Variants in LY75 observed in about 807,000 individuals in gnomAD.
LY75 encodes the protein C-type lectin domain family 13 member B.
A neutral mutation model predicts 231.7 loss-of-function variants in LY75; 185 were observed. The observed-to-expected ratio is 0.80, with a 90% confidence interval of 0.71 to 0.90. The LOEUF is 0.90. LY75 is among the 40% of genes least tolerant of loss of function. LY75 has a pLI of 0.00. For missense variants in LY75, 1,947 were observed against 2,050.2 expected, an observed-to-expected ratio of 0.95 and a Z score of 0.97; for synonymous variants, 668 against 689.0, an observed-to-expected ratio of 0.97 and a Z score of 0.48.
At chr2:159,833,171 G>C (rs1430121207) in intron 27 of LY75, among the ~76,000 whole-genome samples, 2 of 143,296 alleles carry the variant, frequency 1.4e-5, no homozygotes, top group African/African-American at 5.3e-5. Context: ...CTGTTATCCA[G>C]GCTGGAGTGC....
chr2:159,806,081 C>T (rs1682784726), intron 34 of LY75, among the ~76,000 whole-genome samples: 1 of 152,206 alleles, frequency 6.6e-6, no homozygotes, highest in South Asian at 2.1e-4. Context: ...GTGTCTCCTG[C>T]TTCTAGGCTT....
chr2:159,828,365 CA>C (rs1189742109), intron 28 of LY75, among the ~76,000 whole-genome samples: 4 of 151,676 alleles, frequency 2.6e-5, no homozygotes, highest in Non-Finnish European at 5.9e-5. Context: ...GGGATTTCCC[CA>C]AAGGTGATAT....
At chr2:159,875,350 G>C in intron 12 of LY75, 94 bp downstream of exon 12, 1 of 1,513,000 alleles carries the variant, frequency 6.6e-7, no homozygotes, top group Non-Finnish European at 8.9e-7. Context: ...AGGTTACATA[G>C]TACTATGGAG....
chr2:159,819,138 C>T (rs1374639923), intron 29 of LY75, among the ~76,000 whole-genome samples: 5 of 152,194 alleles, frequency 3.3e-5, no homozygotes, highest in African/African-American at 7.2e-5. Flanking sequence ...TCCACCTTTA[C>T]GGGCTCCCAG....
chr2:159,882,084 T>C (rs1218234572), intron 7 of LY75, 40 bp downstream of exon 7: 6 of 1,568,988 alleles, frequency 3.8e-6, no homozygotes, highest in Non-Finnish European at 5.2e-6. Context: ...TACTTTAAAA[T>C]GGCTTAAGCC....
chr2:159,825,081 A>T (rs1245029390), intron 28 of LY75, among the ~76,000 whole-genome samples: 1 of 152,210 alleles, frequency 6.6e-6, no homozygotes, highest in Non-Finnish European at 1.5e-5. Context: ...TTCAAAAGCT[A>T]GCAGAAGACA....
rs1392116925 is a variant in LY75 at position 159,819,845 on chromosome 2, T to C, written c.4034A>G (p.Asn1345Ser). 2 of 1,614,004 alleles carry C rather than the reference T, an allele frequency of 1.2e-6. No individual in the cohort carries two copies. The highest frequency in any genetic ancestry group is 1.7e-6 in the Non-Finnish European group (2 of 1,179,994). ...HWRAGRPTIK[N>S]EKFLAGLSTD... ...ACTTAAACCAGCCAAAAACTTCTCA[T>C]TTTTTATAGTTGGTCTTCCTGCTCT... The change falls in exon 29 of 35, where the codon AAT (asparagine) becomes AGT (serine). Residue 1345 changes from asparagine to serine, a missense_variant. By Grantham distance (46) the Asn-to-Ser change is conservative. Coordinates refer to ENST00000263636, the MANE Select transcript of LY75 (RefSeq NM_002349.4).
At chr2:159,822,381 G>A (rs898371148) in intron 28 of LY75, among the ~76,000 whole-genome samples, 1 of 152,192 alleles carries the variant, frequency 6.6e-6, no homozygotes, top group Non-Finnish European at 1.5e-5. Flanking sequence ...GCTGAGGCTC[G>A]AGTAGGCAGT....
intron 30 of LY75, 79 bp downstream of exon 30, chr2:159,816,727 T>C: frequency 1.9e-6 from 3 of 1,572,628 alleles, no homozygotes; most frequent in Non-Finnish European, 2.6e-6. Context: ...TTGTACTTTG[T>C]GTTAATACTT....
chr2:159,875,422 T>A (rs770397105), intron 12 of LY75, 22 bp downstream of exon 12: 13 of 1,606,836 alleles, frequency 8.1e-6, no homozygotes, highest in Non-Finnish European at 1.1e-5. Flanking sequence ...CATTGAAGGA[T>A]AGAATGAGAA....
At chr2:159,870,708 C>T (rs1007367516) in intron 13 of LY75, among the ~76,000 whole-genome samples, 4 of 150,320 alleles carry the variant, frequency 2.7e-5, no homozygotes, top group African/African-American at 9.8e-5. Context: ...GATAGGGTCT[C>T]CCTATGCTAC....
In LY75 at chr2:159,894,060, G is replaced by C. The variant is rs1324695179; in HGVS notation, c.491C>G (p.Ser164Cys). Residue 164 changes from serine to cysteine, a missense_variant, in exon 3 of 35, where the codon TCT becomes TGT. Physicochemically the swap from Ser to Cys is moderately radical, Grantham distance 112 (BLOSUM62 -1). Coordinates refer to ENST00000263636, the MANE Select transcript of LY75 (RefSeq NM_002349.4). ...YHEIYTRDGN[S>C]YGRPCEFPFL... ...TGGAAATTCACAAGGTCTCCCATAA[G>C]AGTTCCCATCTCTGGTATAGATCTC... is the stretch of plus-strand genomic sequence containing the variant. The C allele has an allele frequency of 1.2e-6, 2 of 1,612,634 alleles. No homozygotes were observed. Among genetic ancestry groups the C allele is most frequent in the African/African-American group, 2.7e-5 (2 of 74,846 alleles).
At chr2:159,901,118 C>T (rs1050472163) in intron 1 of LY75, among the ~76,000 whole-genome samples, 1 of 152,200 alleles carries the variant, frequency 6.6e-6, no homozygotes, top group Non-Finnish European at 1.5e-5. Context: ...GGATTATAGG[C>T]ATGAGATACC....
chr2:159,854,547 G>A lies in LY75; in HGVS notation c.2420-12C>T. On this transcript the variant is annotated splice_polypyrimidine_tract_variant and intron_variant, in intron 17 of 34. Coordinates refer to ENST00000263636, the MANE Select transcript of LY75 (RefSeq NM_002349.4). ...AATTCCAGCACGGTCTAAAGAAGAA[G>A]AAGAAAAAGATTAGAATTATGACTA... The A allele has an allele frequency of 6.2e-7, 1 of 1,607,762 alleles. No individual in the cohort carries two copies. The highest frequency in any genetic ancestry group is 1.1e-5 in the South Asian group (1 of 90,330).
chr2:159,862,451 C>G (rs1361139564), intron 14 of LY75, among the ~76,000 whole-genome samples: 1 of 151,924 alleles, frequency 6.6e-6, no homozygotes, highest in East Asian at 1.9e-4. Flanking sequence ...GAGTAAGACC[C>G]CATTTCAAAA....
intron 16 of LY75, among the ~76,000 whole-genome samples, chr2:159,855,453 C>T (rs528563786): frequency 1.2e-4 from 19 of 152,240 alleles, no homozygotes; most frequent in South Asian, 6.2e-4. Context: ...CAGTGTTGAA[C>T]CTTTTGAGAA....
chr2:159,903,483 T>C (rs1240950490), intron 1 of LY75: 1 of 152,166 alleles, frequency 6.6e-6, no homozygotes, highest in Non-Finnish European at 1.5e-5. Flanking sequence ...TAGAGAAGTG[T>C]GACTCAGAGC....
chr2:159,874,523 TTTTGTAAATCTATATAAATATGTAC>T lies in LY75; in HGVS notation c.1974+896_1974+920del, dbSNP rs1157583104. 4.5e-3 allele frequency among the ~76,000 whole-genome samples: 415 copies of T among 91,476 alleles called. 58 individuals are homozygous for T. In the Middle Eastern group the frequency reaches 0.071, roughly 16 times the overall value. The allele number at this position is 91,476 out of a possible 152,430, so 60.0% of individuals were successfully genotyped here. On this transcript the variant is annotated intron_variant, in intron 12 of 34. Transcript: ENST00000263636. ...GTAAATCTATATAAATATGTACATA[TTTTGTAAATCTATATAAATATGTAC>T]ATATTTTGTAAATCTATATAAATAT...
rs769195791 is a variant in LY75 at position 159,875,532 on chromosome 2, G to A, written c.1886C>T (p.Pro629Leu). The change falls in exon 12 of 35, where the codon CCC becomes CTC. Residue 629 changes from proline to leucine, a missense_variant. Pro to Leu is a moderately conservative substitution (Grantham distance 98). Coordinates refer to ENST00000263636, the MANE Select transcript of LY75 (RefSeq NM_002349.4). The stretch of plus-strand genomic sequence containing the variant: ...AGGGGATGCTTCTTCAGGCCCAAGG[G>A]GTCCACTCATTTTCTTGCAAATTGA... ...ALSICKKMSG[P>L]LGPEEASPKP... 4 of 1,613,994 alleles carry A rather than the reference G, an allele frequency of 2.5e-6. No individual in the cohort carries two copies. The highest frequency in any genetic ancestry group is 2.2e-5 in the South Asian group (2 of 91,068).
Sources: allele counts gnomAD v4.1 joint callset (sites outside exome capture counted in the v4.1 genomes callset), GRCh38; gene constraint gnomAD v4.1.1; transcripts MANE v1.5; gene names NCBI Gene and HGNC (gene_info 2026-07-23, HGNC 2026-07-21).